NRXN1: variants seen among roughly 807,000 people sequenced by gnomAD.
NRXN1 encodes the protein neurexin-1.
In NRXN1, 39 loss-of-function variants were observed where a neutral mutation model predicts 150.9. The observed-to-expected ratio is 0.26, with a 90% CI of 0.20 to 0.34. The LOEUF (loss-of-function observed/expected upper bound fraction) is 0.34. Among genes scored for constraint, NRXN1 ranks in the 10% least tolerant of loss-of-function variants. The pLI, the probability that NRXN1 is intolerant of heterozygous loss-of-function variation, is 1.00. For missense variants in NRXN1, 1,815 were observed against 1,949.9 expected (o/e 0.93, Z 1.30); for synonymous variants, 924 against 757.0 (o/e 1.22, Z -3.62).
chr2:50,552,542 G>T, intron 9 of NRXN1, 45 bp downstream of exon 9: 1 of 1,421,754 alleles, frequency 7.0e-7, no homozygotes, highest in Non-Finnish European at 9.9e-7. Flanking sequence ...ATGGGTGGGT[G>T]GGGTGCTCCA....
chr2:50,269,274 T>C (rs902510702), intron 17 of NRXN1, among the ~76,000 whole-genome samples: 1 of 152,228 alleles, frequency 6.6e-6, no homozygotes, highest in African/African-American at 2.4e-5. Flanking sequence ...GTTATTTCTA[T>C]GAGTCCTTGC....
chr2:50,151,949 C>G (rs2058723267), intron 18 of NRXN1, among the ~76,000 whole-genome samples: 1 of 151,688 alleles, frequency 6.6e-6, no homozygotes, highest in African/African-American at 2.4e-5. Context: ...CAATAATAAT[C>G]TTTAGGAATT....
At chr2:50,530,317 T>C (rs760256203) in intron 11 of NRXN1, among the ~76,000 whole-genome samples, 2 of 152,184 alleles carry the variant, frequency 1.3e-5, no homozygotes, top group African/African-American at 4.8e-5. Flanking sequence ...CAATACTTCA[T>C]GTTGATGGCA....
chr2:50,749,536 C>T (rs953167262), intron 5 of NRXN1, among the ~76,000 whole-genome samples: 1 of 151,906 alleles, frequency 6.6e-6, no homozygotes, highest in African/African-American at 2.4e-5. Context: ...AATAGAGGCT[C>T]AGAATAAAGA....
At chr2:50,636,637 C>A (rs1039831852) in intron 5 of NRXN1, among the ~76,000 whole-genome samples, 3 of 152,144 alleles carry the variant, frequency 2.0e-5, no homozygotes, top group African/African-American at 4.8e-5. Context: ...CCCATAGCAA[C>A]CCCTACCTCT....
chr2:50,883,071 T>C (rs555859663), intron 5 of NRXN1, among the ~76,000 whole-genome samples: 1 of 152,024 alleles, frequency 6.6e-6, no homozygotes, highest in South Asian at 2.1e-4. Context: ...AGCTATTTAA[T>C]ATTTAAATGC....
intron 18 of NRXN1, among the ~76,000 whole-genome samples, chr2:50,191,198 G>GTTTTTT (rs199985011): frequency 8.5e-6 from 1 of 117,524 alleles, no homozygotes. Flanking sequence ...TCAGCTAATT[G>GTTTTTT]TTTTTTGTTT....
chr2:50,597,172 T>C (rs1675380282), intron 8 of NRXN1, among the ~76,000 whole-genome samples: 2 of 152,064 alleles, frequency 1.3e-5, no homozygotes, highest in Admixed American at 1.3e-4. Context: ...AACAAAGTCA[T>C]ATGGAGGGTC....
intron 18 of NRXN1, among the ~76,000 whole-genome samples, chr2:50,161,831 A>T (rs753645656): frequency 3.0e-4 from 46 of 152,160 alleles, no homozygotes; most frequent in Non-Finnish European, 5.9e-4. Context: ...AATTTGTGGG[A>T]GGAATGAAGG....
At chr2:50,899,027 C>A (rs1559412408) in intron 5 of NRXN1, among the ~76,000 whole-genome samples, 1 of 152,012 alleles carries the variant, frequency 6.6e-6, no homozygotes, top group African/African-American at 2.4e-5. Context: ...GCAGACACAG[C>A]TTGAAAAAGA....
intron 19 of NRXN1, among the ~76,000 whole-genome samples, chr2:50,055,899 C>G (rs17039734): frequency 6.6e-6 from 1 of 152,100 alleles, no homozygotes; most frequent in East Asian, 1.9e-4. Flanking sequence ...ATAGATCTAA[C>G]CTAAGTGAGA....
intron 8 of NRXN1, among the ~76,000 whole-genome samples, chr2:50,609,292 C>G (rs999188062): frequency 1.3e-5 from 2 of 152,052 alleles, no homozygotes; most frequent in African/African-American, 2.4e-5. Context: ...GAGAAGCCCT[C>G]TGTTCAAAAG....
intron 17 of NRXN1, among the ~76,000 whole-genome samples, chr2:50,393,174 AAAT>A (rs1297547218): frequency 3.1e-4 from 46 of 147,688 alleles, no homozygotes; most frequent in African/African-American, 1.1e-3. Flanking sequence ...CCAAAAAAAA[AAAT>A]AATAATAAAA....
chr2:50,369,559 A>C (rs2079858818), intron 17 of NRXN1, among the ~76,000 whole-genome samples: 1 of 151,998 alleles, frequency 6.6e-6, no homozygotes, highest in African/African-American at 2.4e-5. Flanking sequence ...GAATCGATGG[A>C]CAGCTACCTT....
At chr2:49,953,311 C>T (rs1021888560) in intron 21 of NRXN1, among the ~76,000 whole-genome samples, 2 of 152,094 alleles carry the variant, frequency 1.3e-5, no homozygotes, top group African/African-American at 4.8e-5. Context: ...AGTAGCATCT[C>T]TATGCTTGTA....
intron 18 of NRXN1, among the ~76,000 whole-genome samples, chr2:50,231,237 C>A (rs72837433): frequency 0.57 from 86,267 of 151,342 alleles, 25,072 homozygotes; most frequent in African/African-American, 0.67. Flanking sequence ...TCAAGGAAAA[C>A]CCTGAGGGGA....
At chr2:50,845,453 C>T (rs903850466) in intron 5 of NRXN1, among the ~76,000 whole-genome samples, 1 of 152,194 alleles carries the variant, frequency 6.6e-6, no homozygotes, top group Non-Finnish European at 1.5e-5. Flanking sequence ...CCTGACCACA[C>T]AAACTAAAAC....
intron 21 of NRXN1, among the ~76,000 whole-genome samples, chr2:50,032,961 C>CAA (rs1558734668): frequency 6.6e-6 from 1 of 150,796 alleles, no homozygotes. Flanking sequence ...CACACACACA[C>CAA]GCCCCCATAT....
chr2:50,633,428 C>G (rs555254368), intron 5 of NRXN1, among the ~76,000 whole-genome samples: 14 of 152,048 alleles, frequency 9.2e-5, no homozygotes, highest in African/African-American at 3.4e-4. Flanking sequence ...AATGAGAAAT[C>G]ATGCTGGATG....
Sources: allele counts gnomAD v4.1 joint callset (sites outside exome capture counted in the v4.1 genomes callset), GRCh38; gene constraint gnomAD v4.1.1; transcripts MANE v1.5; gene names NCBI Gene and HGNC (gene_info 2026-07-23, HGNC 2026-07-21).